The following NR5A1 variants were observed in gnomAD, a reference collection of about 807,000 sequenced individuals.
NR5A1 encodes steroidogenic factor 1.
A neutral mutation model predicts 42.7 loss-of-function variants in NR5A1; 6 were observed. The ratio of observed to expected loss-of-function variants is 0.14; its 90% CI spans 0.08 to 0.28. The LOEUF (loss-of-function observed/expected upper bound fraction) is 0.28. Among genes scored for constraint, NR5A1 ranks in the 10% least tolerant of loss-of-function variants. The pLI is 1.00. For missense variants in NR5A1, 442 were observed against 626.4 expected (o/e 0.71, Z 3.14); for synonymous variants, 274 against 277.5 (o/e 0.99, Z 0.12).
chr9:124,484,753 CTAAATAAATAAA>C (rs56282643), intron 6 of NR5A1, among the ~76,000 whole-genome samples: 25 of 148,616 alleles, frequency 1.7e-4, no homozygotes, highest in Admixed American at 1.1e-3. Context: ...GACTCTGTCT[CTAAATAAATAAA>C]TAAATAAATA....
At position 124,482,712 on chromosome 9, in the gene NR5A1, C is replaced by CT; in HGVS notation, c.*45_*46insA. The CT allele has an allele frequency of 1.7e-6, 1 of 591,500 alleles. No homozygotes were observed. The highest frequency in any genetic ancestry group is 3.6e-5 in the East Asian group (1 of 27,818). The allele number at this position is 591,500 out of a possible 1,614,324, so 36.6% of individuals were successfully genotyped here. A position where few individuals can be genotyped will look rare whatever the true frequency, so the allele number is the denominator to read the frequency against. ...TGTGGCTGCGGCCCCGCCCAGGCCC[C>CT]GCCCCCAGTCCCGCCCCCAGTCCCG... On this transcript the variant is annotated 3_prime_UTR_variant, in exon 7 of 7. Transcript: ENST00000373588.
In NR5A1 at chr9:124,500,400, G is replaced by C; in HGVS notation, c.560C>G (p.Ala187Gly). The C allele has an allele frequency of 6.4e-7, 1 of 1,561,718 alleles. No individual in the cohort carries two copies. Among genetic ancestry groups the C allele is most frequent in the South Asian group, 1.2e-5 (1 of 85,418 alleles). The change falls in exon 4 of 7, where the codon GCC becomes GGC. Residue 187 changes from alanine to glycine, a missense_variant. This residue lies in a region of NR5A1 where 208 missense variants were observed against 203.8 expected (regional missense o/e 1.02). Transcript: ENST00000373588. This position sits in a 1 kb window ranked among gnomAD's most constrained non-coding sequence, Gnocchi z 6.9. The part of the protein sequence containing the change: ...HGPLAGYLYP[A>G]FPGRAIKSEY... ...AGACTTGATGGCACGGCCAGGAAAG[G>C]CAGGGTAGAGGTAGCCAGCCAGTGG...
chr9:124,486,332 G>T (rs1266745577), intron 6 of NR5A1, among the ~76,000 whole-genome samples: 1 of 152,174 alleles, frequency 6.6e-6, no homozygotes, highest in African/African-American at 2.4e-5. Flanking sequence ...ACCCAGCTCG[G>T]TTCATCTCAG....
In NR5A1 at chr9:124,505,476, G is replaced by C. The variant is rs142512472; in HGVS notation, c.-16+1773C>G. On this transcript the variant is annotated intron_variant, in intron 1 of 6. Transcript: ENST00000373588. Reference sequence around the variant, plus strand: ...TCTCGGGTCTTCAGTTGCCGCATCTGTGAAGTGGGTAGATGACCGCTCTTC... The same window carrying C: ...TCTCGGGTCTTCAGTTGCCGCATCTCTGAAGTGGGTAGATGACCGCTCTTC... Among the ~76,000 whole-genome samples, 57 of 152,334 alleles carry C rather than the reference G, an allele frequency of 3.7e-4. 1 individual carries two copies. Among genetic ancestry groups the C allele is most frequent in the African/African-American group, 1.3e-3 (56 of 41,582 alleles).
chr9:124,492,831 G>A (rs1832337193), intron 5 of NR5A1, among the ~76,000 whole-genome samples, 199 bp downstream of exon 5: 1 of 152,184 alleles, frequency 6.6e-6, no homozygotes. Flanking sequence ...AGGGGCCGGC[G>A]CCTCTCAAGC....
intron 6 of NR5A1, 145 bp from the exon 7 acceptor site, chr9:124,483,150 T>C: frequency 6.4e-7 from 1 of 1,574,610 alleles, no homozygotes; most frequent in Non-Finnish European, 8.6e-7. Flanking sequence ...TGCAACATGG[T>C]CTCCCCGTTG....
chr9:124,506,064 T>G (rs1385039322), intron 1 of NR5A1, among the ~76,000 whole-genome samples: 4 of 152,204 alleles, frequency 2.6e-5, no homozygotes, highest in Non-Finnish European at 5.9e-5. Context: ...AGGCTCCATC[T>G]GGGCTCCCGC....
rs1043629575 is a variant in NR5A1, at chr9:124,498,212, G to A, written c.870+1878C>T. ...TTCTGTCTCCTCACCTCTGGACTTTGCAAAGAGACACCAGCCCAGGGTCCA... is the reference window on the plus strand; with the variant it reads ...TTCTGTCTCCTCACCTCTGGACTTTACAAAGAGACACCAGCCCAGGGTCCA... On this transcript the variant is annotated intron_variant, in intron 4 of 6. Coordinates refer to ENST00000373588, the MANE Select transcript of NR5A1 (RefSeq NM_004959.5). This position sits in a 1 kb window ranked among gnomAD's most constrained non-coding sequence, Gnocchi z 4.6. Among the ~76,000 whole-genome samples the A allele has an allele frequency of 2.6e-5, 4 of 152,150 alleles. No homozygotes were observed. The highest frequency in any genetic ancestry group is 6.5e-5 in the Admixed American group (1 of 15,284).
chr9:124,499,978 A>G (rs1588621637), intron 4 of NR5A1, 112 bp downstream of exon 4: 1 of 1,528,082 alleles, frequency 6.5e-7, no homozygotes, highest in East Asian at 2.3e-5. Flanking sequence ...GTCCCCAGGT[A>G]CTGCCTGAAG....
chr9:124,497,941 C>G (rs1001301515), intron 4 of NR5A1, among the ~76,000 whole-genome samples: 12 of 152,156 alleles, frequency 7.9e-5, no homozygotes, highest in African/African-American at 2.7e-4. Flanking sequence ...CTGCCCCTTC[C>G]GTGGCTCTCA....
chr9:124,504,461 A>T (rs1232283251), intron 1 of NR5A1, among the ~76,000 whole-genome samples: 3 of 151,980 alleles, frequency 2.0e-5, no homozygotes, highest in South Asian at 2.1e-4. Flanking sequence ...ACAAAGCCGC[A>T]GCAGCGACGG....
rs1832478385 is a variant in NR5A1 at position 124,501,990 on chromosome 9, C to A, written c.244+1089G>T. The stretch of plus-strand genomic sequence containing the variant: ...AAGAGGGGCCTGGGTTTCTTGGGGG[C>A]AATTCAATTGTCCCCCACTGCCCGG... On this transcript the variant is annotated intron_variant, in intron 3 of 6. Coordinates refer to ENST00000373588, the MANE Select transcript of NR5A1 (RefSeq NM_004959.5). This position sits in a 1 kb window ranked among gnomAD's most constrained non-coding sequence, Gnocchi z 4.1. Among the ~76,000 whole-genome samples, 1 of 152,170 alleles carries A rather than the reference C, an allele frequency of 6.6e-6. No homozygotes were observed. Among genetic ancestry groups the A allele is most frequent in the Admixed American group, 6.5e-5 (1 of 15,284 alleles).
At position 124,482,062 on chromosome 9, in the gene NR5A1, G is replaced by A. The variant is rs559691841; in HGVS notation, c.*696C>T. 1 of 153,256 alleles carries A rather than the reference G, an allele frequency of 6.5e-6. No homozygotes were observed. The highest frequency in any genetic ancestry group is 1.5e-5 in the Non-Finnish European group (1 of 68,794). 9.5% of individuals were successfully genotyped at this position (153,256 alleles called of 1,614,324 possible). On this transcript the variant is annotated 3_prime_UTR_variant, in exon 7 of 7. Transcript: ENST00000373588. ...GGCTAGGATGTCGATTGTACCAAAC[G>A]TTCTCCTTGGGTGGGAGAGGGAATC... is the stretch of plus-strand genomic sequence containing the variant.
intron 5 of NR5A1, among the ~76,000 whole-genome samples, chr9:124,492,572 C>A (rs991904592): frequency 2.0e-5 from 3 of 152,104 alleles, no homozygotes; most frequent in Non-Finnish European, 4.4e-5. Context: ...CCAGCACTAG[C>A]AACCCCCTAG....
rs1366099328 is a variant in NR5A1 at position 124,501,660 on chromosome 9, G to A, written c.245-945C>T. On this transcript the variant is annotated intron_variant, in intron 3 of 6. Coordinates refer to ENST00000373588, the MANE Select transcript of NR5A1 (RefSeq NM_004959.5). This position sits in a 1 kb window ranked among gnomAD's most constrained non-coding sequence, Gnocchi z 4.1. ...TGTGCTGCTCGCAGGCTGCACGGGAGTTTCTACTGCCCACAACAGCCAGCT... is the reference window on the plus strand; with the variant it reads ...TGTGCTGCTCGCAGGCTGCACGGGAATTTCTACTGCCCACAACAGCCAGCT... 6.6e-6 allele frequency among the ~76,000 whole-genome samples: 1 copy of A among 152,176 alleles called. No individual in the cohort carries two copies. Among genetic ancestry groups the A allele is most frequent in the East Asian group, 1.9e-4 (1 of 5,176 alleles).
chr9:124,501,040 T>TG lies in NR5A1; in HGVS notation c.245-326dup. 1 of 617,868 alleles carries TG rather than the reference T, an allele frequency of 1.6e-6. No homozygotes were observed. Among genetic ancestry groups the TG allele is most frequent in the African/African-American group, 1.8e-5 (1 of 55,028 alleles). 38.3% of individuals were successfully genotyped at this position (617,868 alleles called of 1,614,324 possible). A position where few individuals can be genotyped will look rare whatever the true frequency, so the allele number is the denominator to read the frequency against. ...ACTTTTTTTTTTCTCTTGTGCTTGC[T>TG]GAACACCCAGCCTCAATGTCACTAC... On this transcript the variant is annotated intron_variant, in intron 3 of 6. Coordinates refer to ENST00000373588, the MANE Select transcript of NR5A1 (RefSeq NM_004959.5). This position sits in a 1 kb window ranked among gnomAD's most constrained non-coding sequence, Gnocchi z 4.1.
At position 124,504,051 on chromosome 9, in the gene NR5A1, A is replaced by AGAGAGAGAGAGAGAGAGAGAGAGAGAGAG. The variant is rs879911122; in HGVS notation, c.-15-642_-15-641insCTCTCTCTCTCTCTCTCTCTCTCTCTCTC. On this transcript the variant is annotated intron_variant, in intron 1 of 6. Transcript: ENST00000373588. ...GAGAGAGAGAGAGAGAGAGAGAGAGACGAGAGAGAGAGAGAGAGAGAGAAA... is the reference window on the plus strand; with the variant it reads ...GAGAGAGAGAGAGAGAGAGAGAGAGAGAGAGAGAGAGAGAGAGAGAGAGAGAGAGCGAGAGAGAGAGAGAGAGAGAGAAA... Among the ~76,000 whole-genome samples, 8 of 126,634 alleles carry AGAGAGAGAGAGAGAGAGAGAGAGAGAGAG rather than the reference A, an allele frequency of 6.3e-5. 1 individual carries two copies. The highest frequency in any genetic ancestry group is 2.9e-4 in the African/African-American group (7 of 24,298). 83.1% of individuals were successfully genotyped at this position (126,634 alleles called of 152,430 possible).
rs1489962933 is a variant in NR5A1 at position 124,500,108 on chromosome 9, C to T, written c.852G>A (p.Met284Ile). 6.2e-7 allele frequency: 1 copy of T among 1,613,016 alleles called. No homozygotes were observed. Residue 284 changes from methionine (M) to isoleucine (I), a missense_variant, in exon 4 of 7, where the codon ATG (methionine) becomes ATA (isoleucine). Around this residue, in one of 3 missense-constraint regions of NR5A1, gnomAD observed 163 missense variants for 265.8 expected, o/e 0.61. Coordinates refer to ENST00000373588, the MANE Select transcript of NR5A1 (RefSeq NM_004959.5). This position sits in a 1 kb window ranked among gnomAD's most constrained non-coding sequence, Gnocchi z 6.9. Reference sequence around the variant, plus strand: ...GACTCACCTCCAGCTCCTTGAAGACCATGCACCTGCGTGCCCAGTCCACGA... The same window carrying T: ...GACTCACCTCCAGCTCCTTGAAGACTATGCACCTGCGTGCCCAGTCCACGA... ...ISIVDWARRC[M>I]VFKELEVADQ... is the part of the protein sequence containing the mutation.
Position 124,501,908 on chromosome 9 carries a change from G to C in NR5A1, c.244+1171C>G, listed in dbSNP as rs1226261564. On this transcript the variant is annotated intron_variant, in intron 3 of 6. Transcript: ENST00000373588. The surrounding 1 kb of genome is among the most constrained non-coding windows in gnomAD (Gnocchi z 4.1). ...ACCTCCAGAAGCTCAAATCTTTCCT[G>C]CCAAAACTTACCTCCTCCTCTCTGG... Among the ~76,000 whole-genome samples the C allele has an allele frequency of 6.6e-6, 1 of 152,142 alleles. No homozygotes were observed. Among genetic ancestry groups the C allele is most frequent in the East Asian group, 1.9e-4 (1 of 5,190 alleles).
Sources: allele counts gnomAD v4.1 joint callset (sites outside exome capture counted in the v4.1 genomes callset), GRCh38; gene constraint gnomAD v4.1.1; regional missense constraint gnomAD v4.1.1; non-coding constraint Gnocchi (gnomAD v3.1); transcripts MANE v1.5; gene names NCBI Gene and HGNC (gene_info 2026-07-23, HGNC 2026-07-21).